Variants in XKR9 observed in about 807,000 individuals in gnomAD.
The protein encoded by XKR9 is XK-related protein 9.
In XKR9, 32 loss-of-function variants were observed where a neutral mutation model predicts 32.0. That is an observed-to-expected ratio of 1.00 (90% confidence interval 0.76 to 1.34). The LOEUF (loss-of-function observed/expected upper bound fraction) is 1.34. XKR9 is among the 40% of genes most tolerant of loss of function. The pLI is 0.00. For synonymous variants in XKR9, 168 were observed against 143.4 expected (o/e 1.17, Z -1.22); for missense variants, 546 against 429.7 (o/e 1.27, Z -2.39).
the XKR9 span, among the ~76,000 whole-genome samples, chr8:70,997,158 AT>A: frequency 6.6e-6 from 1 of 152,206 alleles, no homozygotes; most frequent in African/African-American, 2.4e-5. Context: ...ATTAGCTGGC[AT>A]TGTGGCAGGC....
the XKR9 span, among the ~76,000 whole-genome samples, chr8:70,897,348 G>C: frequency 6.6e-6 from 1 of 152,170 alleles, no homozygotes; most frequent in East Asian, 1.9e-4. Context: ...ATTAACGCAG[G>C]AGTGCAGATA....
chr8:71,045,931 G>A, the XKR9 span, among the ~76,000 whole-genome samples: 12 of 152,202 alleles, frequency 7.9e-5, no homozygotes, highest in South Asian at 1.0e-3. Flanking sequence ...CGTGGGAGTC[G>A]GGAGGAGATG....
chr8:70,864,232 C>G, the XKR9 span, among the ~76,000 whole-genome samples: 4 of 152,078 alleles, frequency 2.6e-5, no homozygotes, highest in Admixed American at 2.0e-4. Context: ...AACTTAGGAT[C>G]AAATAGCTTG....
the XKR9 span, among the ~76,000 whole-genome samples, chr8:70,861,572 G>T: frequency 2.0e-5 from 3 of 152,028 alleles, no homozygotes; most frequent in Non-Finnish European, 2.9e-5. Flanking sequence ...ATGGCTTGAA[G>T]TTGAGGCCAG....
chr8:70,811,775 G>C, the XKR9 span, among the ~76,000 whole-genome samples: 1 of 152,070 alleles, frequency 6.6e-6, no homozygotes, highest in South Asian at 2.1e-4. Context: ...CCAATAACAG[G>C]ATCTGAAATT....
chr8:70,904,632 T>C, the XKR9 span, among the ~76,000 whole-genome samples: 1 of 152,220 alleles, frequency 6.6e-6, no homozygotes, highest in Non-Finnish European at 1.5e-5. Flanking sequence ...TTAAGGGTTA[T>C]ATTGTTATGT....
chr8:70,688,209 A>G (rs1320965457), intron 3 of XKR9, among the ~76,000 whole-genome samples: 2 of 152,208 alleles, frequency 1.3e-5, no homozygotes, highest in African/African-American at 2.4e-5. Flanking sequence ...GAAGTATATT[A>G]GTAGAAACAG....
At chr8:70,862,248 G>A in the XKR9 span, among the ~76,000 whole-genome samples, 1 of 151,964 alleles carries the variant, frequency 6.6e-6, no homozygotes, top group African/African-American at 2.4e-5. Flanking sequence ...CTTTTATAAA[G>A]CATACTGAAT....
At chr8:70,879,234 A>G in the XKR9 span, among the ~76,000 whole-genome samples, 1 of 152,190 alleles carries the variant, frequency 6.6e-6, no homozygotes, top group Non-Finnish European at 1.5e-5. Flanking sequence ...CCTTAATATC[A>G]TAATTAAAAG....
chr8:71,054,922 A>C, the XKR9 span, among the ~76,000 whole-genome samples: 520 of 152,330 alleles, frequency 3.4e-3, no homozygotes, highest in African/African-American at 0.012. Context: ...TTTCTCAATC[A>C]GACTTTCCTC....
chr8:70,795,671 T>A, the XKR9 span, among the ~76,000 whole-genome samples: 1 of 152,090 alleles, frequency 6.6e-6, no homozygotes. Flanking sequence ...TAATAATAGT[T>A]ATTCTGACTG....
At chr8:70,789,540 A>G (rs1488433153) in intron 3 of XKR9, 1 of 152,064 alleles carries the variant, frequency 6.6e-6, no homozygotes, top group Admixed American at 6.6e-5. Context: ...AAAAGAATGA[A>G]GTAGAGATGA....
chr8:70,794,549 A>G (rs1487099546), downstream of XKR9, among the ~76,000 whole-genome samples: 1 of 152,086 alleles, frequency 6.6e-6, no homozygotes, highest in African/African-American at 2.4e-5. Context: ...GAATGCTTTT[A>G]TAATGAAGAG....
At chr8:70,731,188 G>T (rs1806650884) in intron 4 of XKR9, among the ~76,000 whole-genome samples, 1 of 152,132 alleles carries the variant, frequency 6.6e-6, no homozygotes, top group Admixed American at 6.6e-5. Context: ...CCTAAGACTA[G>T]TTTCACAAAT....
chr8:70,842,547 TACACAC>T, the XKR9 span, among the ~76,000 whole-genome samples: 552 of 149,122 alleles, frequency 3.7e-3, 3 homozygotes, highest in Middle Eastern at 0.014. Flanking sequence ...CATCATTATT[TACACAC>T]ACACACACAC....
At chr8:70,808,883 A>G in the XKR9 span, among the ~76,000 whole-genome samples, 1 of 152,250 alleles carries the variant, frequency 6.6e-6, no homozygotes, top group Non-Finnish European at 1.5e-5. Flanking sequence ...GGCATAGCCA[A>G]ACAAAAGGCA....
chr8:70,889,502 A>G, the XKR9 span, among the ~76,000 whole-genome samples: 9 of 151,752 alleles, frequency 5.9e-5, no homozygotes, highest in African/African-American at 2.2e-4. Flanking sequence ...TGATCTCATC[A>G]CCCAGGTCCT....
At chr8:70,767,751 T>G (rs899556232) in intron 2 of XKR9, among the ~76,000 whole-genome samples, 2 of 152,062 alleles carry the variant, frequency 1.3e-5, no homozygotes, top group Admixed American at 6.6e-5. Context: ...TCTGCCTGTT[T>G]CAGCCTCCCA....
At chr8:70,927,951 G>A in the XKR9 span, among the ~76,000 whole-genome samples, 25 of 152,208 alleles carry the variant, frequency 1.6e-4, no homozygotes, top group South Asian at 4.2e-4. Context: ...GTTCTTCCCC[G>A]CATCTCTTTG....
Sources: allele counts gnomAD v4.1 joint callset (sites outside exome capture counted in the v4.1 genomes callset), GRCh38; gene constraint gnomAD v4.1.1; transcripts MANE v1.5; gene names NCBI Gene and HGNC (gene_info 2026-07-23, HGNC 2026-07-21).